The following SLC5A4 variants were observed in gnomAD, a reference collection of about 807,000 sequenced individuals.
SLC5A4 encodes the protein probable glucose sensor protein SLC5A4.
In SLC5A4, 55 loss-of-function variants were observed where a neutral mutation model predicts 70.3. That is an observed-to-expected ratio of 0.78 (90% CI 0.63 to 0.98). The LOEUF (loss-of-function observed/expected upper bound fraction) is 0.98, where lower values mean the gene tolerates loss of function less well. Among genes scored for constraint, SLC5A4 ranks in the 50% least tolerant of loss-of-function variants. The pLI, the probability that SLC5A4 is intolerant of heterozygous loss-of-function variation, is 0.00. For missense variants in SLC5A4, 735 were observed against 839.2 expected, an observed-to-expected ratio of 0.88 and a Z score of 1.53; for synonymous variants, 268 against 305.7, an observed-to-expected ratio of 0.88 and a Z score of 1.29.
chr22:32,326,018 G>T, the SLC5A4 span, among the ~76,000 whole-genome samples: 1 of 152,240 alleles, frequency 6.6e-6, no homozygotes, highest in Admixed American at 6.5e-5. Flanking sequence ...GGCAGGCCTG[G>T]TGGGCTGGTA....
chr22:32,271,849 G>A, the SLC5A4 span: 10 of 607,280 alleles, frequency 1.6e-5, no homozygotes, highest in East Asian at 4.3e-5. Flanking sequence ...GGAAGATCCC[G>A]CTGTGCTGCA....
the SLC5A4 span, chr22:32,272,013 G>C: frequency 8.0e-6 from 5 of 626,476 alleles, no homozygotes; most frequent in East Asian, 1.5e-4. Flanking sequence ...CCAGGAGGCG[G>C]CCTTATCTAT....
the SLC5A4 span, among the ~76,000 whole-genome samples, chr22:32,286,609 C>T: frequency 4.6e-5 from 7 of 152,326 alleles, no homozygotes; most frequent in Admixed American, 1.3e-4. Flanking sequence ...AAATATACAG[C>T]ATTAGCTTAG....
chr22:32,354,507 A>G, the SLC5A4 span, among the ~76,000 whole-genome samples: 1 of 151,972 alleles, frequency 6.6e-6, no homozygotes, highest in South Asian at 2.1e-4. Context: ...TAGCGCCCCC[A>G]ACCCGTGCCT....
At chr22:32,236,907 C>T (rs545721185) in intron 7 of SLC5A4, among the ~76,000 whole-genome samples, 5 of 152,034 alleles carry the variant, frequency 3.3e-5, no homozygotes, top group East Asian at 1.9e-4. Flanking sequence ...GGTTTCACCA[C>T]GTTAGCCAGG....
intron 9 of SLC5A4, among the ~76,000 whole-genome samples, chr22:32,231,825 A>G (rs1925782924): frequency 6.6e-6 from 1 of 151,284 alleles, no homozygotes; most frequent in Non-Finnish European, 1.5e-5. Context: ...TCCTGTTTTC[A>G]TTTTTCCATA....
the SLC5A4 span, among the ~76,000 whole-genome samples, chr22:32,277,526 T>C: frequency 8.5e-5 from 13 of 152,246 alleles, no homozygotes; most frequent in African/African-American, 1.4e-4. Flanking sequence ...CAGATGCTCA[T>C]AGATTTCCGG....
At chr22:32,259,740 G>GT (rs1234073645), upstream of SLC5A4, among the ~76,000 whole-genome samples, 4 of 152,240 alleles carry the variant, frequency 2.6e-5, no homozygotes, top group African/African-American at 9.6e-5. Flanking sequence ...CTCCTCTTCA[G>GT]TTTTTTTGGA....
At chr22:32,332,421 T>A in the SLC5A4 span, among the ~76,000 whole-genome samples, 8 of 151,076 alleles carry the variant, frequency 5.3e-5, no homozygotes, top group East Asian at 1.6e-3. Flanking sequence ...TCCCACTTCC[T>A]CCCCTGGTCT....
the SLC5A4 span, among the ~76,000 whole-genome samples, chr22:32,278,247 A>T: frequency 1.7e-4 from 26 of 152,368 alleles, no homozygotes; most frequent in East Asian, 5.0e-3. Context: ...ATCTCATAGC[A>T]TAATGGTGAA....
the SLC5A4 span, among the ~76,000 whole-genome samples, chr22:32,285,746 ATTTT>A: frequency 6.9e-6 from 1 of 145,770 alleles, no homozygotes; most frequent in Non-Finnish European, 1.5e-5. Context: ...TTTTATTTTT[ATTTT>A]TTTTGAGATG....
At chr22:32,249,215 A>C (rs1927004380) in intron 3 of SLC5A4, among the ~76,000 whole-genome samples, 1 of 152,242 alleles carries the variant, frequency 6.6e-6, no homozygotes, top group African/African-American at 2.4e-5. Context: ...AATATAATCT[A>C]GCATTAATGT....
chr22:32,297,364 T>C, the SLC5A4 span, among the ~76,000 whole-genome samples: 15 of 151,810 alleles, frequency 9.9e-5, no homozygotes, highest in Admixed American at 2.0e-4. Context: ...ATTCAACTTC[T>C]TCCTGGTTTA....
intron 7 of SLC5A4, 135 bp downstream of exon 7, chr22:32,237,109 T>C: frequency 1.5e-6 from 1 of 682,852 alleles, no homozygotes; most frequent in Non-Finnish European, 2.6e-6. Flanking sequence ...ATTTCAGTGA[T>C]GGGGATTATG....
the SLC5A4 span, among the ~76,000 whole-genome samples, chr22:32,313,761 A>G: frequency 2.6e-5 from 4 of 152,220 alleles, no homozygotes; most frequent in Admixed American, 1.3e-4. Context: ...GGGTGGTCAC[A>G]TGACCCAGTC....
At chr22:32,324,866 G>A in the SLC5A4 span, among the ~76,000 whole-genome samples, 5 of 152,234 alleles carry the variant, frequency 3.3e-5, no homozygotes, top group Admixed American at 1.3e-4. Flanking sequence ...CCCCGGGAAC[G>A]CTTCCACATT....
intron 5 of SLC5A4, among the ~76,000 whole-genome samples, chr22:32,239,699 T>G (rs1926398355): frequency 7.0e-6 from 1 of 143,526 alleles, no homozygotes; most frequent in South Asian, 2.2e-4. Flanking sequence ...CCACAATTAC[T>G]TTTGCACCAA....
chr22:32,229,161 G>C, intron 11 of SLC5A4, 33 bp downstream of exon 11: 3 of 1,602,776 alleles, frequency 1.9e-6, no homozygotes, highest in Non-Finnish European at 1.7e-6. Flanking sequence ...TACTTCTCCA[G>C]AGGATTCTAG....
At chr22:32,266,996 CTG>C in the SLC5A4 span, among the ~76,000 whole-genome samples, 1 of 152,208 alleles carries the variant, frequency 6.6e-6, no homozygotes, top group African/African-American at 2.4e-5. Context: ...CTTCATCAAA[CTG>C]TGAGTTTTTA....
Sources: allele counts gnomAD v4.1 joint callset (sites outside exome capture counted in the v4.1 genomes callset), GRCh38; gene constraint gnomAD v4.1.1; transcripts MANE v1.5; gene names NCBI Gene and HGNC (gene_info 2026-07-23, HGNC 2026-07-21).